Variants in STAU2 observed in about 807,000 individuals in gnomAD.
STAU2 encodes double-stranded RNA-binding protein Staufen homolog 2.
STAU2 carries 20 observed loss-of-function variants against 65.9 expected under a neutral mutation model. That is an observed-to-expected ratio of 0.30 (90% CI 0.21 to 0.44). The LOEUF is 0.44. Among genes scored for constraint, STAU2 ranks in the 20% least tolerant of loss-of-function variants. The pLI, the probability that STAU2 is intolerant of heterozygous loss-of-function variation, is 1.00. For synonymous variants in STAU2, 232 were observed against 233.9 expected, an observed-to-expected ratio of 0.99 and a Z score of 0.07; for missense variants, 558 against 683.9, an observed-to-expected ratio of 0.82 and a Z score of 2.05.
intron 13 of STAU2, among the ~76,000 whole-genome samples, chr8:73,489,028 GT>G (rs1821045152): frequency 6.6e-6 from 1 of 151,634 alleles, no homozygotes; most frequent in Admixed American, 6.6e-5. Flanking sequence ...TTCTAGAATA[GT>G]TTTAAAGAAA....
At chr8:73,507,747 G>T (rs1054232627) in intron 13 of STAU2, among the ~76,000 whole-genome samples, 2 of 152,170 alleles carry the variant, frequency 1.3e-5, no homozygotes, top group Admixed American at 1.3e-4. Context: ...AGGCTGTTTT[G>T]CCTCCACTGA....
At chr8:73,615,009 T>C (rs1377402996) in intron 8 of STAU2, among the ~76,000 whole-genome samples, 2 of 152,160 alleles carry the variant, frequency 1.3e-5, no homozygotes, top group South Asian at 2.1e-4. Context: ...AGCTTTCTAG[T>C]AGGTGAATGT....
chr8:73,679,779 T>C (rs965486582), intron 5 of STAU2, among the ~76,000 whole-genome samples: 1 of 150,940 alleles, frequency 6.6e-6, no homozygotes, highest in African/African-American at 2.4e-5. Flanking sequence ...TCCCAGCTAC[T>C]TGGGAGGCTG....
chr8:73,522,656 A>G (rs1470095008), intron 13 of STAU2, among the ~76,000 whole-genome samples: 3 of 152,194 alleles, frequency 2.0e-5, no homozygotes, highest in Non-Finnish European at 2.9e-5. Context: ...TTTGTTCTGG[A>G]CAATTGAACT....
At chr8:73,494,079 T>C (rs1006747224) in intron 13 of STAU2, among the ~76,000 whole-genome samples, 8 of 151,638 alleles carry the variant, frequency 5.3e-5, no homozygotes, top group Non-Finnish European at 1.2e-4. Flanking sequence ...GATGATAACG[T>C]TTTATATCTT....
intron 6 of STAU2, among the ~76,000 whole-genome samples, chr8:73,635,878 A>T (rs1413206041): frequency 6.7e-6 from 1 of 150,206 alleles, no homozygotes; most frequent in Non-Finnish European, 1.5e-5. Flanking sequence ...CTATGTATAA[A>T]ACTGTTCGAA....
chr8:73,617,397 A>G lies in STAU2; in HGVS notation c.465T>C (p.Asn155=), dbSNP rs1424092022. ...IFYVQLTVGN[N]EFFGEGKTRQ... Reference sequence around the variant, plus strand: ...GAGTCTTTCCTTCCCCAAAAAATTCATTATTTCCTACAGTGAGCTGAACAT... The same window carrying G: ...GAGTCTTTCCTTCCCCAAAAAATTCGTTATTTCCTACAGTGAGCTGAACAT... The change falls in exon 7 of 15, where the codon AAT becomes AAC. Residue 155 remains asparagine, a synonymous_variant. Transcript: ENST00000524300. 2 of 1,614,094 alleles carry G rather than the reference A, an allele frequency of 1.2e-6. No homozygotes were observed. Among genetic ancestry groups the G allele is most frequent in the Non-Finnish European group, 1.7e-6 (2 of 1,180,016 alleles).
chr8:73,618,528 G>A (rs2129897256), intron 6 of STAU2, among the ~76,000 whole-genome samples: 1 of 152,284 alleles, frequency 6.6e-6, no homozygotes, highest in African/African-American at 2.4e-5. Flanking sequence ...TAGATGAGAA[G>A]AGGTGGCAAG....
chr8:73,528,917 A>G (rs58177176), intron 13 of STAU2, among the ~76,000 whole-genome samples: 1 of 152,244 alleles, frequency 6.6e-6, no homozygotes, highest in East Asian at 1.9e-4. Flanking sequence ...ACTGAAAATT[A>G]CAATATGAGC....
chr8:73,581,714 C>T (rs1809998435), intron 12 of STAU2, among the ~76,000 whole-genome samples: 1 of 152,012 alleles, frequency 6.6e-6, no homozygotes, highest in African/African-American at 2.4e-5. Flanking sequence ...GGCTCAGAAG[C>T]ACATTAATTT....
intron 3 of STAU2, among the ~76,000 whole-genome samples, chr8:73,713,633 C>T (rs769408690): frequency 2.4e-4 from 36 of 151,942 alleles, no homozygotes; most frequent in Admixed American, 1.4e-3. Context: ...GGAGAAAGCA[C>T]ATAAAACAAC....
intron 1 of STAU2, among the ~76,000 whole-genome samples, chr8:73,745,315 G>A (rs1280731185): frequency 2.6e-5 from 4 of 152,232 alleles, no homozygotes; most frequent in African/African-American, 9.6e-5. Context: ...GAGATGGAGA[G>A]TAAGTCTTGG....
At chr8:73,662,499 G>T (rs139504425) in intron 6 of STAU2, among the ~76,000 whole-genome samples, 2 of 152,154 alleles carry the variant, frequency 1.3e-5, no homozygotes, top group African/African-American at 2.4e-5. Flanking sequence ...AAGTAGCAAA[G>T]TATTTTCTTC....
intron 3 of STAU2, among the ~76,000 whole-genome samples, chr8:73,718,795 G>A (rs1821438577): frequency 1.3e-5 from 2 of 152,216 alleles, no homozygotes; most frequent in South Asian, 4.1e-4. Context: ...TATTTTTGAT[G>A]CTTTTGAAAA....
chr8:73,602,964 A>G (rs1456206581), intron 10 of STAU2, among the ~76,000 whole-genome samples: 1 of 152,188 alleles, frequency 6.6e-6, no homozygotes, highest in African/African-American at 2.4e-5. Flanking sequence ...GAGAAAAATT[A>G]ATAGCTGAAT....
chr8:73,506,890 CAGG>C (rs1488886677), intron 13 of STAU2, among the ~76,000 whole-genome samples: 9 of 152,182 alleles, frequency 5.9e-5, no homozygotes, highest in African/African-American at 1.7e-4. Flanking sequence ...GTATCTTCAC[CAGG>C]AGTAGATTCC....
At chr8:73,604,670 A>G (rs1231908238) in intron 9 of STAU2, among the ~76,000 whole-genome samples, 1 of 152,246 alleles carries the variant, frequency 6.6e-6, no homozygotes, top group Non-Finnish European at 1.5e-5. Context: ...AAAACTCAAT[A>G]TATGAAATGA....
chr8:73,680,534 T>TGGTAATATGACAAAACAA (rs1818358605), intron 5 of STAU2, among the ~76,000 whole-genome samples: 1 of 152,090 alleles, frequency 6.6e-6, no homozygotes, highest in Non-Finnish European at 1.5e-5. Context: ...AAAACAATTC[T>TGGTAATATGACAAAACAA]GGTAATATGA....
chr8:73,639,782 A>C (rs1814820961), intron 6 of STAU2, among the ~76,000 whole-genome samples: 1 of 152,298 alleles, frequency 6.6e-6, no homozygotes, highest in East Asian at 1.9e-4. Context: ...TAAAATTTGC[A>C]AAAGAAAAAA....
Sources: gnomAD v4.1 joint callset for allele counts (sites outside exome capture counted in the v4.1 genomes callset) on GRCh38, gnomAD v4.1.1 for gene constraint, MANE v1.5 for transcripts, NCBI Gene and HGNC (gene_info 2026-07-23, HGNC 2026-07-21) for gene names.